ARHGEF10L: variants seen among roughly 807,000 people sequenced by gnomAD.
ARHGEF10L encodes the protein Rho guanine nucleotide exchange factor 10 like, also known as rho guanine nucleotide exchange factor 10-like protein.
In ARHGEF10L, 69 loss-of-function variants were observed where a neutral mutation model predicts 141.2. The ratio of observed to expected loss-of-function variants is 0.49; its 90% CI spans 0.40 to 0.60. ARHGEF10L has a LOEUF of 0.60. Ranked by LOEUF, ARHGEF10L falls within the 20% of genes least tolerant of loss-of-function variation. The pLI, the probability that ARHGEF10L is intolerant of heterozygous loss-of-function variation, is 0.00. For missense variants in ARHGEF10L, 1,482 were observed against 1,734.3 expected, an observed-to-expected ratio of 0.85 and a Z score of 2.58; for synonymous variants, 711 against 718.5, an observed-to-expected ratio of 0.99 and a Z score of 0.17.
chr1:17,593,640 C>T (rs2079799141), intron 4 of ARHGEF10L, among the ~76,000 whole-genome samples: 1 of 152,144 alleles, frequency 6.6e-6, no homozygotes, highest in African/African-American at 2.4e-5. Flanking sequence ...GGAGCTGCCC[C>T]TGCTGAAACC....
At chr1:17,640,024 C>A (rs760953256) in intron 20 of ARHGEF10L, 178 bp from the exon 21 acceptor site, 17 of 1,469,460 alleles carry the variant, frequency 1.2e-5, no homozygotes, top group Non-Finnish European at 1.4e-5. Context: ...GGATTCCTCC[C>A]CCAGGGGACC....
At chr1:17,618,956 A>G (rs879611847) in intron 9 of ARHGEF10L, among the ~76,000 whole-genome samples, 10 of 152,114 alleles carry the variant, frequency 6.6e-5, no homozygotes, top group Admixed American at 3.9e-4. Context: ...GAAGAAAACT[A>G]TTTTTAGTTC....
chr1:17,619,510 G>A lies in ARHGEF10L; in HGVS notation c.942+65G>A. Reference sequence around the variant, plus strand: ...AGGGGTGGCTTGGGGGTTCCAGCCTGTTCTCTGGGGCCACGCTTGTCTGGA... The same window carrying A: ...AGGGGTGGCTTGGGGGTTCCAGCCTATTCTCTGGGGCCACGCTTGTCTGGA... On this transcript the variant is annotated intron_variant, in intron 10 of 28. Coordinates refer to ENST00000361221, the MANE Select transcript of ARHGEF10L (RefSeq NM_018125.4). This position sits in a 1 kb window ranked among gnomAD's most constrained non-coding sequence, Gnocchi z 5.0. The A allele has an allele frequency of 7.7e-7, 1 of 1,290,864 alleles. No homozygotes were observed. The highest frequency in any genetic ancestry group is 1.1e-6 in the Non-Finnish European group (1 of 932,714). 80.0% of individuals were successfully genotyped at this position (1,290,864 alleles called of 1,614,324 possible).
intron 11 of ARHGEF10L, 92 bp downstream of exon 11, chr1:17,622,033 C>A: frequency 7.3e-7 from 1 of 1,363,858 alleles, no homozygotes; most frequent in Non-Finnish European, 1.0e-6. Flanking sequence ...GGACTGTGGG[C>A]AGTTTTAAGG....
At chr1:17,651,427 G>A (rs1284314165) in intron 22 of ARHGEF10L, among the ~76,000 whole-genome samples, 1 of 152,204 alleles carries the variant, frequency 6.6e-6, no homozygotes, top group Non-Finnish European at 1.5e-5. Context: ...CTTGGCCTTA[G>A]CGCATCCCTG....
At chr1:17,657,782 G>C (rs1262439931) in intron 25 of ARHGEF10L, among the ~76,000 whole-genome samples, 1 of 152,230 alleles carries the variant, frequency 6.6e-6, no homozygotes, top group Non-Finnish European at 1.5e-5. Flanking sequence ...GAGACTCATG[G>C]GGAGTTCTAG....
Position 17,586,796 on chromosome 1 carries a change from CTTGAG to C in ARHGEF10L, c.38-658_38-654del, listed in dbSNP as rs2079059469. Among the ~76,000 whole-genome samples, 3 of 152,114 alleles carry C rather than the reference CTTGAG, an allele frequency of 2.0e-5. No individual in the cohort carries two copies. The South Asian group carries it at 6.2e-4, about 32-fold the overall frequency. On this transcript the variant is annotated intron_variant, in intron 2 of 28. Coordinates refer to ENST00000361221, the MANE Select transcript of ARHGEF10L (RefSeq NM_018125.4). ...AGGGTAGGCGGGGACAGTCTCTCTG[CTTGAG>C]TTGAGCTTTAATGGGAGAGGAGGAC...
chr1:17,615,807 C>T lies in ARHGEF10L; in HGVS notation c.727-287C>T, dbSNP rs1242819617. 3.8e-5 allele frequency: 12 copies of T among 316,808 alleles called. No individual in the cohort carries two copies. The highest frequency in any genetic ancestry group is 7.2e-5 in the Non-Finnish European group (12 of 166,092). The allele number at this position is 316,808 out of a possible 1,614,324, so 19.6% of individuals were successfully genotyped here. On this transcript the variant is annotated intron_variant, in intron 8 of 28. Coordinates refer to ENST00000361221, the MANE Select transcript of ARHGEF10L (RefSeq NM_018125.4). The surrounding 1 kb of genome is among the most constrained non-coding windows in gnomAD (Gnocchi z 4.7). ...GGTCTCCAGCACCCCTCGGCCCCCT[C>T]CTCACCAGGTCACATCATCTCCTGG... is the stretch of plus-strand genomic sequence containing the variant.
At chr1:17,567,345 A>T (rs2077799830) in intron 1 of ARHGEF10L, among the ~76,000 whole-genome samples, 1 of 151,890 alleles carries the variant, frequency 6.6e-6, no homozygotes, top group African/African-American at 2.4e-5. Context: ...TGCTGCCTGG[A>T]GGGGTTTGCT....
the ARHGEF10L span, among the ~76,000 whole-genome samples, chr1:17,525,743 C>G: frequency 6.6e-6 from 1 of 152,008 alleles, no homozygotes; most frequent in Admixed American, 6.6e-5. Context: ...TGGCTCATGA[C>G]TGTAATCCCA....
In ARHGEF10L at chr1:17,656,560, C is replaced by A; in HGVS notation, c.2712C>A (p.Leu904=). 1 of 1,612,066 alleles carries A rather than the reference C, an allele frequency of 6.2e-7. No homozygotes were observed. The highest frequency in any genetic ancestry group is 1.3e-5 in the African/African-American group (1 of 75,026). Residue 904 remains leucine (L), a synonymous_variant, in exon 25 of 29, where the codon CTC becomes CTA. Transcript: ENST00000361221. The surrounding 1 kb of genome is among the most constrained non-coding windows in gnomAD (Gnocchi z 4.9). ...CTCCAACCTCTCCCCGCAGCATCCT[C>A]CTCTACAGCAGTGTGGACACTGGCA... ...ICLGLQDGSI[L]LYSSVDTGTQ... is the part of the protein sequence containing the mutation.
At position 17,621,294 on chromosome 1, in the gene ARHGEF10L, G is replaced by A. The variant is rs779880923; in HGVS notation, c.943-570G>A. 7.9e-5 allele frequency among the ~76,000 whole-genome samples: 12 copies of A among 152,134 alleles called. No individual in the cohort carries two copies. Among genetic ancestry groups the A allele is most frequent in the East Asian group, 7.8e-4 (4 of 5,150 alleles). The stretch of plus-strand genomic sequence containing the variant: ...GTTGCCCAGGCTGGAGTGCAGTGGC[G>A]CGATCTTGGCCCACTGCAACCTCTG... On this transcript the variant is annotated intron_variant, in intron 10 of 28. Coordinates refer to ENST00000361221, the MANE Select transcript of ARHGEF10L (RefSeq NM_018125.4). The surrounding 1 kb of genome is among the most constrained non-coding windows in gnomAD (Gnocchi z 4.1).
intron 1 of ARHGEF10L, among the ~76,000 whole-genome samples, chr1:17,559,585 A>G (rs904740999): frequency 6.6e-6 from 1 of 152,162 alleles, no homozygotes; most frequent in Non-Finnish European, 1.5e-5. Context: ...AACTCTAAAC[A>G]GGAGGAGTGA....
At position 17,603,410 on chromosome 1, in the gene ARHGEF10L, C is replaced by T. The variant is rs552727040; in HGVS notation, c.350-98C>T. The T allele has an allele frequency of 2.6e-4, 230 of 882,288 alleles. No individual in the cohort carries two copies. Among genetic ancestry groups the T allele is most frequent in the African/African-American group, 2.5e-3 (148 of 58,188 alleles). The allele number at this position is 882,288 out of a possible 1,614,324, so 54.7% of individuals were successfully genotyped here. A position where few individuals can be genotyped will look rare whatever the true frequency, so the allele number is the denominator to read the frequency against. On this transcript the variant is annotated intron_variant, in intron 5 of 28. Transcript: ENST00000361221. The surrounding 1 kb of genome is among the most constrained non-coding windows in gnomAD (Gnocchi z 4.8). ...TGGGCTATCAGAAAGGAGGGTGCTG[C>T]GTGCCACCAGCTGGTGCAGTCCTGA...
In ARHGEF10L at chr1:17,565,646, G is replaced by C. The variant is rs2077721399; in HGVS notation, c.-43-14907G>C. Among the ~76,000 whole-genome samples, 3 of 152,154 alleles carry C rather than the reference G, an allele frequency of 2.0e-5. No homozygotes were observed. In the East Asian group the frequency reaches 5.8e-4, roughly 29 times the overall value. On this transcript the variant is annotated intron_variant, in intron 1 of 28. Coordinates refer to ENST00000361221, the MANE Select transcript of ARHGEF10L (RefSeq NM_018125.4). ...GGCTGTGTCTTTCTCACCACAGCAG[G>C]GGATACTTGATGAATATGCATAGAG...
In ARHGEF10L at chr1:17,656,669, C is replaced by T; in HGVS notation, c.2821C>T (p.Leu941=). The part of the protein sequence containing the change: ...RHSPFHLLAG[L]QDGTLAAYPR... The stretch of plus-strand genomic sequence containing the variant: ...CAGCCCCTTCCACCTGCTCGCTGGC[C>T]TGCAGGATGGGACCCTTGCTGCTTA... Residue 941 remains leucine (L), a synonymous_variant, in exon 25 of 29, where the codon CTG becomes TTG. Coordinates refer to ENST00000361221, the MANE Select transcript of ARHGEF10L (RefSeq NM_018125.4). This position sits in a 1 kb window ranked among gnomAD's most constrained non-coding sequence, Gnocchi z 4.9. The T allele has an allele frequency of 1.9e-6, 3 of 1,613,626 alleles. No homozygotes were observed. The highest frequency in any genetic ancestry group is 2.5e-6 in the Non-Finnish European group (3 of 1,180,012).
chr1:17,611,187 T>C (rs2059530673), intron 7 of ARHGEF10L, among the ~76,000 whole-genome samples: 1 of 152,116 alleles, frequency 6.6e-6, no homozygotes, highest in Admixed American at 6.5e-5. Flanking sequence ...CTGAGAGAAG[T>C]GATGGAGCAC....
intron 5 of ARHGEF10L, among the ~76,000 whole-genome samples, chr1:17,602,585 G>T (rs952105089): frequency 6.6e-6 from 1 of 152,140 alleles, no homozygotes; most frequent in African/African-American, 2.4e-5. Context: ...CAGCAGGGGT[G>T]GGGGAAAGAG....
chr1:17,643,287 C>T (rs1164260882), intron 21 of ARHGEF10L, among the ~76,000 whole-genome samples: 1 of 152,148 alleles, frequency 6.6e-6, no homozygotes, highest in East Asian at 1.9e-4. Flanking sequence ...GTGTCAGGAT[C>T]ATAATCTGAA....
Sources: allele counts gnomAD v4.1 joint callset (sites outside exome capture counted in the v4.1 genomes callset), GRCh38; gene constraint gnomAD v4.1.1; non-coding constraint Gnocchi (gnomAD v3.1); transcripts MANE v1.5; gene names NCBI Gene and HGNC (gene_info 2026-07-23, HGNC 2026-07-21).